Variants in TTLL11 observed in about 807,000 individuals in gnomAD.
The protein encoded by TTLL11 is tubulin tyrosine ligase like 11.
Under a neutral mutation model 51.7 loss-of-function variants are expected in TTLL11, and 42 were observed. The observed-to-expected ratio is 0.81, with a 90% CI of 0.64 to 1.05. The LOEUF is 1.05. Ranked by LOEUF, TTLL11 falls within the 50% of genes least tolerant of loss-of-function variation. TTLL11 has a pLI of 0.00. For synonymous variants in TTLL11, 381 were observed against 383.5 expected (o/e 0.99, Z 0.08); for missense variants, 799 against 940.4 (o/e 0.85, Z 1.97).
chr9:121,834,704 G>A (rs751548070), intron 8 of TTLL11, among the ~76,000 whole-genome samples: 11 of 152,048 alleles, frequency 7.2e-5, no homozygotes, highest in Non-Finnish European at 1.5e-4. Flanking sequence ...GCACACACCT[G>A]TAATCCTAGC....
chr9:122,056,496 AC>A (rs1201574050), intron 1 of TTLL11, among the ~76,000 whole-genome samples: 1 of 152,198 alleles, frequency 6.6e-6, no homozygotes, highest in Non-Finnish European at 1.5e-5. Context: ...ACCCTCTGGT[AC>A]TGCATCTAGT....
chr9:121,998,786 G>A (rs1843369831), intron 3 of TTLL11, among the ~76,000 whole-genome samples: 1 of 152,080 alleles, frequency 6.6e-6, no homozygotes, highest in South Asian at 2.1e-4. Context: ...CTACAAGACA[G>A]GCAATAGCAT....
At chr9:121,954,384 A>G (rs1351392257) in intron 6 of TTLL11, among the ~76,000 whole-genome samples, 1 of 152,256 alleles carries the variant, frequency 6.6e-6, no homozygotes, top group Non-Finnish European at 1.5e-5. Flanking sequence ...AGTTACAAGC[A>G]CCAAAGATGC....
intron 6 of TTLL11, among the ~76,000 whole-genome samples, chr9:121,877,875 C>T (rs923215721): frequency 1.3e-5 from 2 of 152,162 alleles, no homozygotes; most frequent in Non-Finnish European, 2.9e-5. Context: ...CTGCATCATG[C>T]GGCCTCCATA....
intron 4 of TTLL11, among the ~76,000 whole-genome samples, chr9:121,980,145 G>A (rs1842797100): frequency 6.6e-6 from 1 of 151,822 alleles, no homozygotes. Flanking sequence ...GGGTGGAGGA[G>A]AGCATTTGGT....
At position 121,822,756 on chromosome 9, in the gene TTLL11, A is replaced by C; in HGVS notation, c.1964T>G (p.Leu655Arg). 6.4e-7 allele frequency: 1 copy of C among 1,551,684 alleles called. No individual in the cohort carries two copies. Among genetic ancestry groups the C allele is most frequent in the South Asian group, 1.2e-5 (1 of 84,060 alleles). ...IDLCEYHLSL[L>R]DEKRLVCGRG... is the part of the protein sequence containing the mutation. Reference sequence around the variant, plus strand: ...GCCACACACCAGGCGTTTTTCATCCAGCAGGGACAGGTGGTACTCGCAAAG... The same window carrying C: ...GCCACACACCAGGCGTTTTTCATCCCGCAGGGACAGGTGGTACTCGCAAAG... The change falls in exon 9 of 9, where the codon CTG becomes CGG. Residue 655 changes from leucine (L) to arginine (R), a missense_variant. Transcript: ENST00000321582. The surrounding 1 kb of genome is among the most constrained non-coding windows in gnomAD (Gnocchi z 5.8).
intron 8 of TTLL11, among the ~76,000 whole-genome samples, chr9:121,836,121 G>T (rs1837172281): frequency 6.6e-6 from 1 of 152,170 alleles, no homozygotes. Context: ...AACAAAATCT[G>T]GATGGTAGAT....
At chr9:122,015,807 C>CAAAAAAAAAAAA (rs11297849) in intron 3 of TTLL11, among the ~76,000 whole-genome samples, 37 of 94,440 alleles carry the variant, frequency 3.9e-4, no homozygotes, top group African/African-American at 9.4e-4. Context: ...TCAAAAGAGA[C>CAAAAAAAAAAAA]AAAAAAAAAA....
In TTLL11 at chr9:121,974,906, A is replaced by G. The variant is rs1443577139; in HGVS notation, c.1343T>C (p.Met448Thr). The G allele has an allele frequency of 6.5e-7, 1 of 1,545,684 alleles. No individual in the cohort carries two copies. The highest frequency in any genetic ancestry group is 1.4e-5 in the African/African-American group (1 of 72,772). ...TACTTCGTGCTCATGTTCGATTCTC[A>G]TACTGGGATTTGCATTTACTTCAAG... is the stretch of plus-strand genomic sequence containing the variant. ...ILLEVNANPSMRIEHEHELSP... is the reference protein window; with the variant it reads ...ILLEVNANPSTRIEHEHELSP... Residue 448 changes from methionine (M) to threonine (T), a missense_variant, in exon 5 of 9, where the codon ATG becomes ACG. Met to Thr is a moderately conservative substitution (Grantham distance 81). Around this residue, in one of 3 missense-constraint regions of TTLL11, gnomAD observed 468 missense variants for 612.8 expected, o/e 0.76. Transcript: ENST00000321582.
At chr9:121,838,619 T>C (rs1157727538) in intron 8 of TTLL11, among the ~76,000 whole-genome samples, 2 of 152,130 alleles carry the variant, frequency 1.3e-5, no homozygotes, top group African/African-American at 2.4e-5. Context: ...CTCAGGAGGC[T>C]GAAGCACAAG....
intron 1 of TTLL11, among the ~76,000 whole-genome samples, chr9:122,069,090 G>GCGCACACACACACGCACACCAGAACAC (rs1554791174): frequency 1.3e-5 from 2 of 151,434 alleles, no homozygotes; most frequent in Non-Finnish European, 3.0e-5. Flanking sequence ...CGTTACAACC[G>GCGCACACACACACGCACACCAGAACAC]TTTATCCTAC....
intron 3 of TTLL11, among the ~76,000 whole-genome samples, chr9:122,023,482 T>C (rs956837177): frequency 4.0e-5 from 6 of 151,830 alleles, no homozygotes; most frequent in African/African-American, 1.2e-4. Flanking sequence ...CCAAAGACAT[T>C]ACAAAAAAAT....
intron 5 of TTLL11, 81 bp from the exon 6 acceptor site, chr9:121,974,205 T>C (rs1466190912): frequency 1.0e-5 from 10 of 980,612 alleles, no homozygotes; most frequent in African/African-American, 6.6e-5. Flanking sequence ...CCAGGGGTTA[T>C]ACTAGTAAAT....
At chr9:121,907,963 T>C (rs946497788) in intron 6 of TTLL11, among the ~76,000 whole-genome samples, 2 of 152,254 alleles carry the variant, frequency 1.3e-5, no homozygotes, top group African/African-American at 4.8e-5. Context: ...CTTGTAGCCC[T>C]GCTAAGTTAC....
At chr9:121,966,646 T>TC (rs760718742) in intron 6 of TTLL11, among the ~76,000 whole-genome samples, 13 of 152,220 alleles carry the variant, frequency 8.5e-5, no homozygotes, top group Non-Finnish European at 1.9e-4. Context: ...CTTATTTTTT[T>TC]CCCATACCTT....
intron 6 of TTLL11, among the ~76,000 whole-genome samples, chr9:121,936,095 G>C (rs1242764916): frequency 6.6e-6 from 1 of 152,132 alleles, no homozygotes; most frequent in African/African-American, 2.4e-5. Flanking sequence ...AGATCTCCCT[G>C]CTTGGAGAAT....
intron 6 of TTLL11, among the ~76,000 whole-genome samples, chr9:121,962,994 C>A (rs192008083): frequency 2.0e-4 from 30 of 152,322 alleles, no homozygotes; most frequent in Admixed American, 6.5e-4. Context: ...TGCTAAATAT[C>A]TGCACGTCTG....
chr9:121,924,622 C>CA (rs1176862199), intron 6 of TTLL11, among the ~76,000 whole-genome samples: 15 of 151,960 alleles, frequency 9.9e-5, no homozygotes, highest in South Asian at 8.3e-4. Flanking sequence ...GAGAAGATGA[C>CA]AGGTGGAGAG....
intron 6 of TTLL11, among the ~76,000 whole-genome samples, chr9:121,932,123 A>G (rs929744667): frequency 1.3e-5 from 2 of 152,038 alleles, no homozygotes; most frequent in African/African-American, 2.4e-5. Flanking sequence ...TGCATATTCT[A>G]TTTATCTCCA....
Sources: allele counts gnomAD v4.1 joint callset (sites outside exome capture counted in the v4.1 genomes callset), GRCh38; gene constraint gnomAD v4.1.1; regional missense constraint gnomAD v4.1.1; non-coding constraint Gnocchi (gnomAD v3.1); transcripts MANE v1.5; gene names NCBI Gene and HGNC (gene_info 2026-07-23, HGNC 2026-07-21).